Variants in TTC34 observed in about 807,000 individuals in gnomAD.
TTC34 encodes the protein tetratricopeptide repeat domain 34.
In TTC34, 44 loss-of-function variants were observed where a neutral mutation model predicts 40.7. The ratio of observed to expected loss-of-function variants is 1.08; its 90% confidence interval spans 0.85 to 1.39. The LOEUF is 1.39. TTC34 is among the 40% of genes most tolerant of loss of function. TTC34 has a pLI of 0.00. For synonymous variants in TTC34, 422 were observed against 398.6 expected, an observed-to-expected ratio of 1.06 and a Z score of -0.70; for missense variants, 884 against 838.0, an observed-to-expected ratio of 1.05 and a Z score of -0.68.
chr1:2,683,321 G>C (rs1276368531), intron 6 of TTC34, among the ~76,000 whole-genome samples: 5 of 150,694 alleles, frequency 3.3e-5, no homozygotes, highest in Non-Finnish European at 3.0e-5. Context: ...CCCCAGGTGA[G>C]CATCTGACAG....
chr1:2,755,979 C>T (rs1481890253), intron 6 of TTC34, among the ~76,000 whole-genome samples: 1,289 of 79,360 alleles, frequency 0.016, 17 homozygotes, highest in Non-Finnish European at 0.017. Flanking sequence ...GGAACAGCAC[C>T]CTGCAACCCA....
At chr1:2,647,461 A>G (rs149956726) in intron 6 of TTC34, among the ~76,000 whole-genome samples, 1,844 of 152,162 alleles carry the variant, frequency 0.012, 36 homozygotes, top group African/African-American at 0.037. Flanking sequence ...CGTCTCTACT[A>G]AAAATACAAT....
At chr1:2,787,606 CCAGGCGGTA>C (rs1482457096) in exon 4 of TTC34, 1 of 1,549,624 alleles carries the variant, frequency 6.5e-7, no homozygotes, top group South Asian at 1.2e-5. Flanking sequence ...TCCAGGCGGC[CCAGGCGGTA>C]CAGGGCATCA....
rs1181411536 is a variant in TTC34 at position 2,752,071 on chromosome 1, C to A, written c.2226+31538G>T. On this transcript the variant is annotated intron_variant, in intron 6 of 8. Transcript: ENST00000401095. Reference sequence around the variant, plus strand: ...ACACCCCCAGGCGAACATCTGAACGCACGGAGCAGCACCCACACCTTCAGG... The same window carrying A: ...ACACCCCCAGGCGAACATCTGAACGAACGGAGCAGCACCCACACCTTCAGG... 2.1e-4 allele frequency among the ~76,000 whole-genome samples: 24 copies of A among 113,300 alleles called. 6 individuals carry two copies. The highest frequency in any genetic ancestry group is 9.7e-4 in the African/African-American group (24 of 24,736). 74.3% of individuals were successfully genotyped at this position (113,300 alleles called of 152,430 possible).
At chr1:2,691,317 C>G (rs1411777460) in intron 6 of TTC34, among the ~76,000 whole-genome samples, 2 of 44,250 alleles carry the variant, frequency 4.5e-5, no homozygotes, top group African/African-American at 8.0e-5. Context: ...GGCGAGCATC[C>G]GACAGCCTGG....
rs1212187707 is a variant in TTC34, at chr1:2,700,060, T to A, written c.2227-54497A>T. ...CTGGAGCAGCGCCCACACCCAGAGG[T>A]GAGCATATGACCACCTGGAGCAGCA... is the stretch of plus-strand genomic sequence containing the variant. On this transcript the variant is annotated intron_variant, in intron 6 of 8. Transcript: ENST00000401095. Among the ~76,000 whole-genome samples the A allele has an allele frequency of 5.1e-4, 55 of 108,816 alleles. 7 individuals are homozygous for A. Among genetic ancestry groups the A allele is most frequent in the African/African-American group, 1.6e-3 (53 of 33,872 alleles). 71.4% of individuals were successfully genotyped at this position (108,816 alleles called of 152,430 possible). A position where few individuals can be genotyped will look rare whatever the true frequency, so the allele number is the denominator to read the frequency against.
chr1:2,750,442 C>T lies in TTC34; in HGVS notation c.2226+33167G>A, dbSNP rs1339700624. Among the ~76,000 whole-genome samples the T allele has an allele frequency of 5.3e-4, 50 of 94,402 alleles. 15 individuals are homozygous for T. The Admixed American group carries it at 5.5e-3, about 10-fold the overall frequency. The allele number at this position is 94,402 out of a possible 152,430, so 61.9% of individuals were successfully genotyped here. ...ACGTGACAGCCTGTAACAGCACCCA[C>T]ACACCCAGGCGAGTATCTGACGGCC... On this transcript the variant is annotated intron_variant, in intron 6 of 8. Transcript: ENST00000401095.
At chr1:2,769,903 G>A (rs199801691) in intron 6 of TTC34, among the ~76,000 whole-genome samples, 69 of 50,574 alleles carry the variant, frequency 1.4e-3, no homozygotes, top group African/African-American at 5.0e-3. Flanking sequence ...TCCTGGAGCT[G>A]CACCCATACC....
rs780223617 is a variant in TTC34, at chr1:2,796,060, G to A, written c.784+3984C>T. On this transcript the variant is annotated intron_variant, in intron 2 of 8. Transcript: ENST00000401095. This position sits in a 1 kb window ranked among gnomAD's most constrained non-coding sequence, Gnocchi z 4.5. ...GATTAATGCAAGTTCAGCCCCTTTC[G>A]CCTCTTTGCTCTTCTGTCTTGTGCC... Among the ~76,000 whole-genome samples, 1 of 152,164 alleles carries A rather than the reference G, an allele frequency of 6.6e-6. No individual in the cohort carries two copies. Among genetic ancestry groups the A allele is most frequent in the South Asian group, 2.1e-4 (1 of 4,832 alleles).
intron 6 of TTC34, among the ~76,000 whole-genome samples, chr1:2,675,092 C>A (rs1373927064): frequency 1.7e-5 from 2 of 120,024 alleles, no homozygotes; most frequent in Admixed American, 8.5e-5. Flanking sequence ...CCCAGGCGAG[C>A]ATCTGACAGC....
chr1:2,660,701 GTGCCCA>G (rs1639517529), intron 6 of TTC34, among the ~76,000 whole-genome samples: 1 of 80,518 alleles, frequency 1.2e-5, no homozygotes, highest in Non-Finnish European at 2.5e-5. Context: ...GCCTGGAGCA[GTGCCCA>G]CACCCCCAGG....
intron 6 of TTC34, among the ~76,000 whole-genome samples, chr1:2,748,509 C>CTCCCACACCCGTAGGTG (rs1641219042): frequency 3.3e-5 from 4 of 120,166 alleles, no homozygotes; most frequent in African/African-American, 1.3e-4. Context: ...TAGCCTGGAG[C>CTCCCACACCCGTAGGTG]AGCACCCACA....
At chr1:2,769,949 C>T (rs1642021431) in intron 6 of TTC34, among the ~76,000 whole-genome samples, 1 of 74,812 alleles carries the variant, frequency 1.3e-5, no homozygotes, top group East Asian at 3.7e-4. Context: ...GCAGCACCCA[C>T]ACCCCCAGGT....
At chr1:2,688,341 C>A (rs1569571563) in intron 6 of TTC34, among the ~76,000 whole-genome samples, 1 of 144,492 alleles carries the variant, frequency 6.9e-6, no homozygotes, top group African/African-American at 2.6e-5. Flanking sequence ...CCCAGGTGAG[C>A]ATCGGACAGC....
At chr1:2,685,249 C>A (rs1344866850) in intron 6 of TTC34, among the ~76,000 whole-genome samples, 2 of 89,860 alleles carry the variant, frequency 2.2e-5, no homozygotes, top group Admixed American at 1.3e-4. Context: ...CCCAGGTGAG[C>A]ATCTGAGAGC....
intron 6 of TTC34, among the ~76,000 whole-genome samples, chr1:2,748,715 C>T (rs1205071640): frequency 7.9e-6 from 1 of 127,126 alleles, no homozygotes; most frequent in African/African-American, 3.4e-5. Context: ...GGAACAGAAC[C>T]CACACCTCCA....
Position 2,676,809 on chromosome 1 carries a change from C to A in TTC34, c.2227-31246G>T, listed in dbSNP as rs1429307980. ...ACAGCCTGGGTCGGCACCCACACCACCAGGTGAGCATCTGACGGCCTGGAA... is the reference window on the plus strand; with the variant it reads ...ACAGCCTGGGTCGGCACCCACACCAACAGGTGAGCATCTGACGGCCTGGAA... On this transcript the variant is annotated intron_variant, in intron 6 of 8. Coordinates refer to ENST00000401095, the Ensembl canonical transcript of TTC34. Among the ~76,000 whole-genome samples, 4 of 9,724 alleles carry A rather than the reference C, an allele frequency of 4.1e-4. 1 individual carries two copies. The South Asian group carries it at 0.011, about 27-fold the overall frequency. 6.4% of individuals were successfully genotyped at this position (9,724 alleles called of 152,430 possible).
chr1:2,769,741 A>G (rs556575402), intron 6 of TTC34, among the ~76,000 whole-genome samples: 2 of 145,612 alleles, frequency 1.4e-5, no homozygotes, highest in African/African-American at 2.6e-5. Flanking sequence ...AGCCTGGAGC[A>G]GCGCCCACAC....
chr1:2,652,051 TGAGCATCTGACAGC>T (rs1557584236), intron 6 of TTC34, among the ~76,000 whole-genome samples: 7 of 52,654 alleles, frequency 1.3e-4, no homozygotes, highest in Non-Finnish European at 2.5e-4. Flanking sequence ...CACCCACAGG[TGAGCATCTGACAGC>T]CTGGAGGAGC....
Sources: gnomAD v4.1 joint callset for allele counts (sites outside exome capture counted in the v4.1 genomes callset) on GRCh38, gnomAD v4.1.1 for gene constraint, Gnocchi (gnomAD v3.1) non-coding constraint, MANE v1.5 for transcripts, NCBI Gene and HGNC (gene_info 2026-07-23, HGNC 2026-07-21) for gene names.